RPS6KA2: variants seen among roughly 807,000 people sequenced by gnomAD.
RPS6KA2 encodes ribosomal protein S6 kinase A2.
Under a neutral mutation model 91.8 loss-of-function variants are expected in RPS6KA2, and 42 were observed. The ratio of observed to expected loss-of-function variants is 0.46; its 90% CI spans 0.36 to 0.59. The LOEUF (loss-of-function observed/expected upper bound fraction) is 0.59. RPS6KA2 is among the 20% of genes least tolerant of loss of function. The pLI, the probability that RPS6KA2 is intolerant of heterozygous loss-of-function variation, is 0.00. For missense variants in RPS6KA2, 798 were observed against 978.5 expected, an observed-to-expected ratio of 0.82 and a Z score of 2.46; for synonymous variants, 414 against 393.6, an observed-to-expected ratio of 1.05 and a Z score of -0.61.
intron 2 of RPS6KA2, among the ~76,000 whole-genome samples, chr6:166,775,014 G>A (rs765032873): frequency 6.6e-6 from 1 of 152,040 alleles, no homozygotes; most frequent in Non-Finnish European, 1.5e-5. Context: ...AGGATAATGT[G>A]ACCTGCCCAG....
At chr6:166,801,293 G>A (rs2128617847) in intron 2 of RPS6KA2, among the ~76,000 whole-genome samples, 1 of 152,128 alleles carries the variant, frequency 6.6e-6, no homozygotes, top group East Asian at 1.9e-4. Context: ...AAGCGGAGGA[G>A]GTGGGGAGAG....
rs1291716120 is a variant in RPS6KA2 at position 166,852,670 on chromosome 6, G to A, written c.123+5530C>T. Among the ~76,000 whole-genome samples, 1 of 151,980 alleles carries A rather than the reference G, an allele frequency of 6.6e-6. No individual in the cohort carries two copies. The highest frequency in any genetic ancestry group is 1.9e-4 in the East Asian group (1 of 5,144). ...CGAGGGGTCCAAGCAGCAACGGCTC[G>A]GCAACTCCGGGAGCTGGGCATTGGA... On this transcript the variant is annotated intron_variant, in intron 2 of 21. Coordinates refer to the RPS6KA2 transcript ENST00000503859. This position sits in a 1 kb window ranked among gnomAD's most constrained non-coding sequence, Gnocchi z 4.1.
chr6:166,799,083 C>G (rs1400671697), intron 2 of RPS6KA2, among the ~76,000 whole-genome samples: 2 of 152,232 alleles, frequency 1.3e-5, no homozygotes, highest in East Asian at 3.8e-4. Flanking sequence ...AGCTCAAAAA[C>G]CAGTGACATA....
intron 19 of RPS6KA2, among the ~76,000 whole-genome samples, chr6:166,416,465 TCTCCCACCA>T (rs1369649045): frequency 2.0e-5 from 3 of 150,562 alleles, no homozygotes; most frequent in Non-Finnish European, 4.4e-5. Flanking sequence ...CTCACTATCA[TCTCCCACCA>T]CTCCCACCGT....
chr6:166,802,219 G>A lies in RPS6KA2; in HGVS notation c.123+55981C>T, dbSNP rs1188457365. On this transcript the variant is annotated intron_variant, in intron 2 of 21. Coordinates refer to the RPS6KA2 transcript ENST00000503859. Reference sequence around the variant, plus strand: ...TGGGAGGTGGAGATTGCAGTGAGCTGACATCACGCCACTGCACTCCAGCCT... The same window carrying A: ...TGGGAGGTGGAGATTGCAGTGAGCTAACATCACGCCACTGCACTCCAGCCT... Among the ~76,000 whole-genome samples the A allele has an allele frequency of 1.2e-4, 18 of 150,330 alleles. No individual in the cohort carries two copies. The South Asian group carries it at 1.3e-3, about 11-fold the overall frequency.
intron 1 of RPS6KA2, among the ~76,000 whole-genome samples, chr6:166,859,195 T>C (rs1780986028): frequency 6.6e-6 from 1 of 152,286 alleles, no homozygotes; most frequent in African/African-American, 2.4e-5. Context: ...ATGTTTGATC[T>C]GCATTGTTTA....
At chr6:166,719,319 T>C (rs2128583810) in intron 2 of RPS6KA2, among the ~76,000 whole-genome samples, 1 of 152,368 alleles carries the variant, frequency 6.6e-6, no homozygotes, top group South Asian at 2.1e-4. Flanking sequence ...TTTATGGACA[T>C]TGAGATTTGA....
intron 1 of RPS6KA2, among the ~76,000 whole-genome samples, chr6:166,571,497 G>T (rs1784685744): frequency 6.6e-6 from 1 of 152,258 alleles, no homozygotes; most frequent in Non-Finnish European, 1.5e-5. Flanking sequence ...ACAAAATAGT[G>T]TGTGCTTGGG....
chr6:166,846,905 A>G (rs1302204270), intron 2 of RPS6KA2, among the ~76,000 whole-genome samples: 1 of 152,198 alleles, frequency 6.6e-6, no homozygotes, highest in African/African-American at 2.4e-5. Context: ...AAATTGGTAA[A>G]GAGGAAGTCA....
At chr6:166,742,958 G>A (rs751937018) in intron 2 of RPS6KA2, among the ~76,000 whole-genome samples, 2 of 152,164 alleles carry the variant, frequency 1.3e-5, no homozygotes, top group Non-Finnish European at 2.9e-5. Context: ...CTACCAGAGA[G>A]CAGAATTCTT....
chr6:166,468,568 A>C (rs1780626253), intron 11 of RPS6KA2, among the ~76,000 whole-genome samples: 1 of 152,170 alleles, frequency 6.6e-6, no homozygotes, highest in South Asian at 2.1e-4. Flanking sequence ...CCATGAGGAC[A>C]TAAAGAAGAC....
intron 2 of RPS6KA2, among the ~76,000 whole-genome samples, chr6:166,673,339 C>CA (rs1384760582): frequency 2.6e-5 from 4 of 152,246 alleles, no homozygotes; most frequent in Admixed American, 1.3e-4. Flanking sequence ...AGTCTTGTCC[C>CA]CCCAGAGCTG....
At chr6:166,763,445 T>C (rs1158659504) in intron 2 of RPS6KA2, among the ~76,000 whole-genome samples, 7 of 152,222 alleles carry the variant, frequency 4.6e-5, no homozygotes, top group Admixed American at 4.6e-4. Flanking sequence ...CTCCATGCTC[T>C]TATCTGTAAA....
At chr6:166,451,797 T>A (rs928792542) in intron 12 of RPS6KA2, among the ~76,000 whole-genome samples, 13 of 152,244 alleles carry the variant, frequency 8.5e-5, no homozygotes, top group Admixed American at 7.9e-4. Context: ...AAAGGAGTAA[T>A]TCCCTTCCAT....
intron 2 of RPS6KA2, among the ~76,000 whole-genome samples, chr6:166,843,825 C>T (rs1236643835): frequency 6.6e-6 from 1 of 152,078 alleles, no homozygotes; most frequent in African/African-American, 2.4e-5. Flanking sequence ...TGAGAAGGAA[C>T]CAGAAAACAA....
intron 2 of RPS6KA2, among the ~76,000 whole-genome samples, chr6:166,814,855 C>T (rs984204854): frequency 2.6e-5 from 4 of 152,172 alleles, no homozygotes; most frequent in South Asian, 2.1e-4. Context: ...ATTGATTCTA[C>T]GTGATGATGA....
intron 1 of RPS6KA2, among the ~76,000 whole-genome samples, chr6:166,576,629 C>G (rs1228786325): frequency 6.6e-6 from 1 of 152,138 alleles, no homozygotes; most frequent in Non-Finnish European, 1.5e-5. Flanking sequence ...GGCGGAAGAA[C>G]TTTCTAAGCA....
rs80061828 is a variant in RPS6KA2 at position 166,609,586 on chromosome 6, G to A, written c.99+17335C>T. Among the ~76,000 whole-genome samples the A allele has an allele frequency of 8.7e-4, 129 of 148,888 alleles. No homozygotes were observed. In the East Asian group the frequency reaches 0.01, roughly 12 times the overall value. ...GCAGTCTTGGCTCACCGTAATCTCC[G>A]CCTCCTGGGTTCAAGCAATTCTCCT... On this transcript the variant is annotated intron_variant, in intron 1 of 20. Coordinates refer to ENST00000265678, the MANE Select transcript of RPS6KA2 (RefSeq NM_021135.6).
At chr6:166,464,820 A>G (rs2128462481) in intron 11 of RPS6KA2, among the ~76,000 whole-genome samples, 1 of 152,280 alleles carries the variant, frequency 6.6e-6, no homozygotes, top group South Asian at 2.1e-4. Context: ...GCTGGCCTTC[A>G]GAAGGAATGG....
Sources: allele counts gnomAD v4.1 joint callset (sites outside exome capture counted in the v4.1 genomes callset), GRCh38; gene constraint gnomAD v4.1.1; non-coding constraint Gnocchi (gnomAD v3.1); transcripts MANE v1.5; gene names NCBI Gene and HGNC (gene_info 2026-07-23, HGNC 2026-07-21).